Variants in POU6F2 observed in about 807,000 individuals in gnomAD.
POU6F2 encodes the protein POU domain, class 6, transcription factor 2.
Under a neutral mutation model 71.3 loss-of-function variants are expected in POU6F2, and 31 were observed. The ratio of observed to expected loss-of-function variants is 0.43; its 90% CI spans 0.33 to 0.59. The LOEUF (loss-of-function observed/expected upper bound fraction) is 0.59. Ranked by LOEUF, POU6F2 falls within the 20% of genes least tolerant of loss-of-function variation. POU6F2 has a pLI of 0.04. For missense variants in POU6F2, 783 were observed against 856.8 expected (o/e 0.91, Z 1.07); for synonymous variants, 347 against 355.7 (o/e 0.98, Z 0.27).
At chr7:39,383,880 A>G (rs1786881179) in intron 5 of POU6F2, among the ~76,000 whole-genome samples, 1 of 152,226 alleles carries the variant, frequency 6.6e-6, no homozygotes, top group African/African-American at 2.4e-5. Flanking sequence ...TCATCTCTCA[A>G]TTGCCTATCT....
chr7:39,271,838 TA>T (rs34675814), intron 4 of POU6F2, among the ~76,000 whole-genome samples: 28,841 of 149,812 alleles, frequency 0.19, 3,176 homozygotes, highest in African/African-American at 0.3. Context: ...TTTTAAACTA[TA>T]AAAAAAAAAT....
intron 1 of POU6F2, among the ~76,000 whole-genome samples, chr7:38,980,335 T>C (rs1049753407): frequency 6.6e-6 from 1 of 152,144 alleles, no homozygotes; most frequent in Non-Finnish European, 1.5e-5. Context: ...AGTAAGTATT[T>C]AAAAGGAAAG....
intron 4 of POU6F2, among the ~76,000 whole-genome samples, chr7:39,325,323 T>C (rs1441807150): frequency 2.0e-5 from 3 of 152,208 alleles, no homozygotes; most frequent in African/African-American, 4.8e-5. Context: ...TGAGGAAATA[T>C]ATGCTATCTC....
At chr7:39,324,460 A>C (rs187325456) in intron 4 of POU6F2, among the ~76,000 whole-genome samples, 42 of 152,328 alleles carry the variant, frequency 2.8e-4, no homozygotes, top group African/African-American at 6.3e-4. Flanking sequence ...TCAAGATAGT[A>C]GGTGCTCCAC....
chr7:39,007,012 C>A, intron 1 of POU6F2: 3 of 783,304 alleles, frequency 3.8e-6, no homozygotes, highest in Non-Finnish European at 6.3e-6. Context: ...CTCTGATGTG[C>A]TGCTTCTCCA....
At chr7:39,287,314 G>A (rs892139732) in intron 4 of POU6F2, among the ~76,000 whole-genome samples, 9 of 152,278 alleles carry the variant, frequency 5.9e-5, no homozygotes, top group African/African-American at 1.9e-4. Flanking sequence ...AGGCTTGTGC[G>A]CGTGATATGG....
At chr7:39,090,749 G>A (rs1374341981) in intron 2 of POU6F2, among the ~76,000 whole-genome samples, 2 of 152,018 alleles carry the variant, frequency 1.3e-5, no homozygotes, top group East Asian at 3.9e-4. Context: ...ACCAAAGAAA[G>A]TTTTGCTAAA....
intron 4 of POU6F2, among the ~76,000 whole-genome samples, chr7:39,327,195 C>T (rs1246739034): frequency 2.0e-5 from 3 of 151,084 alleles, no homozygotes; most frequent in Admixed American, 6.6e-5. Context: ...AGGAGAATGG[C>T]GTGAACCCAG....
intron 1 of POU6F2, among the ~76,000 whole-genome samples, chr7:39,050,669 C>T (rs1790385145): frequency 6.6e-6 from 1 of 152,104 alleles, no homozygotes; most frequent in South Asian, 2.1e-4. Context: ...GACATCTCTG[C>T]TGGGGATGGG....
intron 4 of POU6F2, among the ~76,000 whole-genome samples, chr7:39,325,701 T>C (rs994574403): frequency 3.3e-5 from 5 of 152,174 alleles, no homozygotes; most frequent in African/African-American, 1.2e-4. Context: ...CACTGGCCCA[T>C]GTGTCTATAG....
At chr7:38,983,429 A>G (rs1206777967) in intron 1 of POU6F2, among the ~76,000 whole-genome samples, 1 of 148,754 alleles carries the variant, frequency 6.7e-6, no homozygotes, top group African/African-American at 2.5e-5. Flanking sequence ...TGTGTATCCA[A>G]TAAAGTAAAT....
At chr7:39,105,593 T>C (rs1347584243) in intron 2 of POU6F2, among the ~76,000 whole-genome samples, 1 of 152,160 alleles carries the variant, frequency 6.6e-6, no homozygotes, top group Non-Finnish European at 1.5e-5. Context: ...TAGAAGGATA[T>C]ACAAATAATT....
intron 2 of POU6F2, chr7:39,120,709 A>G (rs994128291): frequency 6.6e-6 from 1 of 152,254 alleles, no homozygotes. Context: ...ATGAAATAAA[A>G]TACAATATTT....
At chr7:39,243,363 G>A (rs1783760987) in intron 4 of POU6F2, among the ~76,000 whole-genome samples, 1 of 151,970 alleles carries the variant, frequency 6.6e-6, no homozygotes, top group South Asian at 2.1e-4. Flanking sequence ...TGCACCCCCT[G>A]CACCCCTTAA....
At chr7:39,088,966 T>G (rs897380295) in intron 2 of POU6F2, among the ~76,000 whole-genome samples, 20 of 152,132 alleles carry the variant, frequency 1.3e-4, no homozygotes, top group Non-Finnish European at 7.4e-5. Flanking sequence ...TTTATGCCTC[T>G]CCTTAAATTG....
At chr7:39,388,731 T>C (rs2115824684) in intron 5 of POU6F2, among the ~76,000 whole-genome samples, 1 of 152,314 alleles carries the variant, frequency 6.6e-6, no homozygotes, top group Non-Finnish European at 1.5e-5. Flanking sequence ...GAGAGAAAAG[T>C]CTTTATTTTG....
intron 4 of POU6F2, among the ~76,000 whole-genome samples, chr7:39,281,826 G>A (rs11974414): frequency 0.27 from 41,133 of 151,936 alleles, 6,323 homozygotes; most frequent in African/African-American, 0.41. Context: ...CCCAGTACTT[G>A]GATTGCTGGA....
intron 4 of POU6F2, among the ~76,000 whole-genome samples, chr7:39,219,470 T>C (rs1042435315): frequency 6.6e-6 from 1 of 152,198 alleles, no homozygotes; most frequent in Non-Finnish European, 1.5e-5. Flanking sequence ...GCTGTCCTCA[T>C]GTAGGGCAGT....
intron 2 of POU6F2, among the ~76,000 whole-genome samples, chr7:39,187,550 G>A (rs192668315): frequency 1.1e-4 from 17 of 152,338 alleles, no homozygotes; most frequent in African/African-American, 2.4e-4. Context: ...ACCGAGGGCC[G>A]CTGAAGGGGC....
Sources: allele counts gnomAD v4.1 joint callset (sites outside exome capture counted in the v4.1 genomes callset), GRCh38; gene constraint gnomAD v4.1.1; transcripts MANE v1.5; gene names NCBI Gene and HGNC (gene_info 2026-07-23, HGNC 2026-07-21).